Variants in RERE observed in about 807,000 individuals in gnomAD.
RERE encodes arginine-glutamic acid dipeptide repeats, also known as arginine-glutamic acid dipeptide repeats protein.
RERE carries 40 observed loss-of-function variants against 146.1 expected under a neutral mutation model. That is an observed-to-expected ratio of 0.27 (90% CI 0.21 to 0.36). RERE has a LOEUF of 0.36. Ranked by LOEUF, RERE falls within the 10% of genes least tolerant of loss-of-function variation. RERE has a pLI of 1.00. For missense variants in RERE, 1,933 were observed against 2,138.7 expected, an observed-to-expected ratio of 0.90 and a Z score of 1.90; for synonymous variants, 1,003 against 866.0, an observed-to-expected ratio of 1.16 and a Z score of -2.78.
chr1:8,569,534 C>T (rs1422552882), intron 4 of RERE, among the ~76,000 whole-genome samples: 1 of 152,132 alleles, frequency 6.6e-6, no homozygotes, highest in African/African-American at 2.4e-5. Context: ...GACTTACCAA[C>T]TTATGATTAA....
chr1:8,673,333 T>TG (rs1638763634), intron 1 of RERE, among the ~76,000 whole-genome samples: 1 of 152,138 alleles, frequency 6.6e-6, no homozygotes, highest in Admixed American at 6.5e-5. Flanking sequence ...TGACCTCAGG[T>TG]GATCCACCTG....
intron 4 of RERE, among the ~76,000 whole-genome samples, chr1:8,569,674 T>C (rs1442947533): frequency 6.6e-6 from 1 of 152,166 alleles, no homozygotes; most frequent in African/African-American, 2.4e-5. Flanking sequence ...TGAAGACCGC[T>C]TGAGCCCAGT....
chr1:8,544,895 G>A (rs953533296), intron 6 of RERE, among the ~76,000 whole-genome samples: 1 of 152,124 alleles, frequency 6.6e-6, no homozygotes, highest in African/African-American at 2.4e-5. Context: ...ACCAGGTAAG[G>A]CCACCAGGAT....
intron 1 of RERE, among the ~76,000 whole-genome samples, chr1:8,804,748 T>C (rs1240244212): frequency 5.6e-5 from 6 of 107,228 alleles, no homozygotes; most frequent in Non-Finnish European, 1.3e-4. Context: ...AGAAGCCACC[T>C]CTGACAAAAA....
chr1:8,569,180 G>C (rs879838210), intron 4 of RERE, among the ~76,000 whole-genome samples: 2 of 150,476 alleles, frequency 1.3e-5, no homozygotes, highest in Non-Finnish European at 2.9e-5. Context: ...TATTCGTAGA[G>C]AGTGTAATAA....
intron 1 of RERE, among the ~76,000 whole-genome samples, chr1:8,784,162 C>G (rs1641219410): frequency 1.3e-5 from 2 of 152,178 alleles, no homozygotes; most frequent in Non-Finnish European, 2.9e-5. Context: ...CACTTCAGGA[C>G]CTTTCCACTG....
At chr1:8,605,362 G>C (rs1446625195) in intron 4 of RERE, among the ~76,000 whole-genome samples, 1 of 152,086 alleles carries the variant, frequency 6.6e-6, no homozygotes, top group South Asian at 2.1e-4. Flanking sequence ...TCAATCTCCT[G>C]ACCTTGTGAT....
At chr1:8,768,619 C>T (rs1640890088) in intron 1 of RERE, among the ~76,000 whole-genome samples, 1 of 152,030 alleles carries the variant, frequency 6.6e-6, no homozygotes, top group Non-Finnish European at 1.5e-5. Context: ...TAGTGCCTAC[C>T]ATAAAGAACA....
At chr1:8,568,473 A>C (rs966507679) in intron 4 of RERE, among the ~76,000 whole-genome samples, 1 of 152,216 alleles carries the variant, frequency 6.6e-6, no homozygotes, top group Non-Finnish European at 1.5e-5. Flanking sequence ...GGCCTTTAAG[A>C]GGTGATTAGA....
chr1:8,669,603 CT>C (rs1638667952), intron 1 of RERE, among the ~76,000 whole-genome samples: 1 of 152,140 alleles, frequency 6.6e-6, no homozygotes, highest in Non-Finnish European at 1.5e-5. Context: ...GAAAAACCAC[CT>C]TTTAAAGCTG....
At chr1:8,690,615 T>C (rs1388471066) in intron 1 of RERE, among the ~76,000 whole-genome samples, 2 of 152,200 alleles carry the variant, frequency 1.3e-5, no homozygotes, top group Admixed American at 1.3e-4. Context: ...GATGAGGGTA[T>C]TTGGTGGAGA....
At chr1:8,583,112 C>T (rs1275282911) in intron 4 of RERE, among the ~76,000 whole-genome samples, 1 of 152,182 alleles carries the variant, frequency 6.6e-6, no homozygotes, top group African/African-American at 2.4e-5. Flanking sequence ...GATTTAAGAA[C>T]TCAAGTGTCT....
rs1641153459 is a variant in RERE, at chr1:8,352,951, A to C, written c.*2136T>G. On this transcript the variant is annotated 3_prime_UTR_variant, in exon 23 of 23. Transcript: ENST00000400908. ...CCAAAGGAGGAGATAAAGAAGGTTTAACTGAATGGTAGATGTTGTGTTCTA... is the reference window on the plus strand; with the variant it reads ...CCAAAGGAGGAGATAAAGAAGGTTTCACTGAATGGTAGATGTTGTGTTCTA... 1 of 152,588 alleles carries C rather than the reference A, an allele frequency of 6.6e-6. No homozygotes were observed. The highest frequency in any genetic ancestry group is 2.4e-5 in the African/African-American group (1 of 41,468). 9.5% of individuals were successfully genotyped at this position (152,588 alleles called of 1,614,324 possible).
chr1:8,534,396 T>TG (rs1260741411), intron 7 of RERE, among the ~76,000 whole-genome samples: 13 of 152,342 alleles, frequency 8.5e-5, no homozygotes, highest in South Asian at 2.1e-4. Flanking sequence ...GGATTGAACT[T>TG]GGAGAATTTC....
At chr1:8,496,433 T>C (rs1287611683) in intron 9 of RERE, among the ~76,000 whole-genome samples, 1 of 151,428 alleles carries the variant, frequency 6.6e-6, no homozygotes, top group Non-Finnish European at 1.5e-5. Flanking sequence ...GCTATAATTG[T>C]GCCACTGTAC....
chr1:8,529,623 C>A (rs1645616707), intron 7 of RERE, among the ~76,000 whole-genome samples: 1 of 152,028 alleles, frequency 6.6e-6, no homozygotes, highest in South Asian at 2.1e-4. Flanking sequence ...CTCATGGCAT[C>A]TGGAGAGCTG....
intron 1 of RERE, among the ~76,000 whole-genome samples, chr1:8,688,229 C>T (rs1639132973): frequency 6.6e-6 from 1 of 152,266 alleles, no homozygotes; most frequent in Admixed American, 6.5e-5. Flanking sequence ...CTTGAACCAA[C>T]GAGTTTGAGA....
intron 1 of RERE, among the ~76,000 whole-genome samples, chr1:8,734,313 T>C (rs1640151156): frequency 6.6e-6 from 1 of 152,112 alleles, no homozygotes; most frequent in South Asian, 2.1e-4. Flanking sequence ...ATAAAGGATT[T>C]GGGGTGGGAG....
At chr1:8,437,486 T>G (rs570060679) in intron 11 of RERE, among the ~76,000 whole-genome samples, 8 of 152,162 alleles carry the variant, frequency 5.3e-5, no homozygotes, top group African/African-American at 1.4e-4. Flanking sequence ...CCATGCAGGA[T>G]GGCTATCCCC....
Sources: gnomAD v4.1 joint callset for allele counts (sites outside exome capture counted in the v4.1 genomes callset) on GRCh38, gnomAD v4.1.1 for gene constraint, MANE v1.5 for transcripts, NCBI Gene and HGNC (gene_info 2026-07-23, HGNC 2026-07-21) for gene names.